Variants in RXFP1 observed in about 807,000 individuals in gnomAD.
RXFP1 encodes the protein relaxin receptor 1.
Under a neutral mutation model 89.8 loss-of-function variants are expected in RXFP1, and 73 were observed. The observed-to-expected ratio is 0.81, with a 90% CI of 0.67 to 0.99. RXFP1 has a LOEUF of 0.99. Ranked by LOEUF, RXFP1 falls within the 50% of genes least tolerant of loss-of-function variation. The pLI, the probability that RXFP1 is intolerant of heterozygous loss-of-function variation, is 0.00. For synonymous variants in RXFP1, 277 were observed against 305.5 expected (o/e 0.91, Z 0.97); for missense variants, 793 against 895.5 (o/e 0.89, Z 1.46).
intron 2 of RXFP1, among the ~76,000 whole-genome samples, chr4:158,587,400 G>A (rs1393978030): frequency 1.3e-5 from 2 of 152,048 alleles, no homozygotes; most frequent in Non-Finnish European, 2.9e-5. Context: ...TACTTTCATT[G>A]ATTTCATAAA....
intron 5 of RXFP1, among the ~76,000 whole-genome samples, chr4:158,606,296 A>G (rs947169079): frequency 6.6e-6 from 1 of 152,248 alleles, no homozygotes; most frequent in African/African-American, 2.4e-5. Flanking sequence ...TTTTTGCACA[A>G]TAAACATTGA....
chr4:158,556,224 C>CA lies in RXFP1; in HGVS notation c.50-16457dup, dbSNP rs11337872. On this transcript the variant is annotated intron_variant, in intron 1 of 17. Coordinates refer to ENST00000307765, the MANE Select transcript of RXFP1 (RefSeq NM_021634.4). The stretch of plus-strand genomic sequence containing the variant: ...CCAAAATACATAAGAAACTTAACAG[C>CA]AAAAAAAAAAAAAAAAATTGAAAAA... Among the ~76,000 whole-genome samples the CA allele has an allele frequency of 1.5e-3, 195 of 132,476 alleles. 2 individuals are homozygous for CA. The highest frequency in any genetic ancestry group is 5.0e-3 in the African/African-American group (182 of 36,052). The allele number at this position is 132,476 out of a possible 152,430, so 86.9% of individuals were successfully genotyped here. A position where few individuals can be genotyped will look rare whatever the true frequency, so the allele number is the denominator to read the frequency against.
chr4:158,589,820 A>G (rs1038020760), intron 2 of RXFP1, among the ~76,000 whole-genome samples: 1 of 152,162 alleles, frequency 6.6e-6, no homozygotes, highest in African/African-American at 2.4e-5. Flanking sequence ...TAGGAGGCCA[A>G]GGTGGGAGGA....
intron 1 of RXFP1, among the ~76,000 whole-genome samples, chr4:158,556,481 C>T (rs184570563): frequency 9.3e-4 from 142 of 152,234 alleles, no homozygotes; most frequent in African/African-American, 3.4e-3. Flanking sequence ...GAAATTAGTG[C>T]AGCCATTATG....
At chr4:158,552,967 T>C (rs892564293) in intron 1 of RXFP1, among the ~76,000 whole-genome samples, 10 of 152,092 alleles carry the variant, frequency 6.6e-5, no homozygotes, top group African/African-American at 2.4e-4. Context: ...GGAGGATCAC[T>C]TGAACCCAGG....
At chr4:158,646,721 A>G in intron 15 of RXFP1, 70 bp from the exon 16 acceptor site, 1 of 1,482,556 alleles carries the variant, frequency 6.7e-7, no homozygotes, top group Admixed American at 2.3e-5. Flanking sequence ...CATTAAAAAT[A>G]TTATTGCTTA....
chr4:158,596,295 C>T (rs1459602124), intron 3 of RXFP1, among the ~76,000 whole-genome samples: 9 of 136,596 alleles, frequency 6.6e-5, no homozygotes, highest in Non-Finnish European at 1.3e-4. Flanking sequence ...TGGAATTTCA[C>T]TCTTGTTGCC....
chr4:158,530,904 GAA>G, intron 1 of RXFP1, among the ~76,000 whole-genome samples: 1 of 152,110 alleles, frequency 6.6e-6, no homozygotes. Context: ...CATTTTAATG[GAA>G]AAAATCTGTA....
Position 158,580,278 on chromosome 4 carries a change from G to A in RXFP1, c.187+7443G>A, listed in dbSNP as rs78914786. 5.0e-3 allele frequency among the ~76,000 whole-genome samples: 755 copies of A among 152,214 alleles called. 4 individuals carry two copies. Among genetic ancestry groups the A allele is most frequent in the Admixed American group, 7.9e-3 (121 of 15,288 alleles). ...ATCAGAGGAGCTCTAGGTCTGGATT[G>A]GTTAGTTTGCATATCAAAGGCATGC... On this transcript the variant is annotated intron_variant, in intron 2 of 17. Transcript: ENST00000307765.
intron 12 of RXFP1, among the ~76,000 whole-genome samples, chr4:158,635,025 A>T: frequency 6.6e-6 from 1 of 152,030 alleles, no homozygotes; most frequent in African/African-American, 2.4e-5. Flanking sequence ...TGCATTTTCC[A>T]TATGAATTTT....
chr4:158,557,801 CA>C (rs1460745884), intron 1 of RXFP1, among the ~76,000 whole-genome samples: 2 of 152,214 alleles, frequency 1.3e-5, no homozygotes, highest in African/African-American at 2.4e-5. Flanking sequence ...CTAAAAGAGC[CA>C]AATGCCTCAT....
intron 1 of RXFP1, among the ~76,000 whole-genome samples, chr4:158,545,342 G>C (rs1434565829): frequency 1.3e-5 from 2 of 152,146 alleles, no homozygotes; most frequent in Non-Finnish European, 2.9e-5. Flanking sequence ...GTAGATTCTG[G>C]ATATTAGCCC....
chr4:158,582,355 G>C (rs78062173), intron 2 of RXFP1, among the ~76,000 whole-genome samples: 5,460 of 152,210 alleles, frequency 0.036, 304 homozygotes, highest in African/African-American at 0.12. Context: ...ACCTGGCATT[G>C]CAGTTGAGCT....
intron 1 of RXFP1, among the ~76,000 whole-genome samples, chr4:158,532,998 G>T (rs1744428878): frequency 6.6e-6 from 1 of 152,194 alleles, no homozygotes; most frequent in South Asian, 2.1e-4. Context: ...CAAAGGGACA[G>T]GGTGCTTCCT....
intron 9 of RXFP1, among the ~76,000 whole-genome samples, chr4:158,621,145 AT>A (rs1765557207): frequency 6.6e-6 from 1 of 152,162 alleles, no homozygotes; most frequent in African/African-American, 2.4e-5. Flanking sequence ...CAAAAAAAAA[AT>A]AAAAAATAAA....
intron 8 of RXFP1, among the ~76,000 whole-genome samples, chr4:158,612,838 T>G (rs1162610205): frequency 6.6e-6 from 1 of 152,134 alleles, no homozygotes; most frequent in Non-Finnish European, 1.5e-5. Context: ...CTGGAACTCC[T>G]GACTTCATGA....
intron 4 of RXFP1, among the ~76,000 whole-genome samples, chr4:158,600,522 T>G (rs992729599): frequency 4.6e-5 from 7 of 152,164 alleles, no homozygotes; most frequent in African/African-American, 1.7e-4. Context: ...TCATAGCAAT[T>G]AGTCCTGCTA....
chr4:158,548,460 A>C (rs1253134949), intron 1 of RXFP1, among the ~76,000 whole-genome samples: 1 of 152,146 alleles, frequency 6.6e-6, no homozygotes, highest in Non-Finnish European at 1.5e-5. Context: ...ATTTAAAGTT[A>C]ATATTGTTAT....
chr4:158,640,008 C>T (rs1288844645), intron 14 of RXFP1, among the ~76,000 whole-genome samples: 2 of 152,192 alleles, frequency 1.3e-5, no homozygotes, highest in Non-Finnish European at 2.9e-5. Flanking sequence ...TTGGTCTTCC[C>T]AGCCTCCAGA....
Sources: gnomAD v4.1 joint callset for allele counts (sites outside exome capture counted in the v4.1 genomes callset) on GRCh38, gnomAD v4.1.1 for gene constraint, MANE v1.5 for transcripts, NCBI Gene and HGNC (gene_info 2026-07-23, HGNC 2026-07-21) for gene names.